TRIM69: variants seen among roughly 807,000 people sequenced by gnomAD.
TRIM69 encodes tripartite motif containing 69, also known as E3 ubiquitin-protein ligase TRIM69.
Under a neutral mutation model 37.7 loss-of-function variants are expected in TRIM69, and 29 were observed. That is an observed-to-expected ratio of 0.77 (90% CI 0.57 to 1.05). TRIM69 has a LOEUF of 1.05. TRIM69 is among the 50% of genes least tolerant of loss of function. The probability of loss-of-function intolerance (pLI) is 0.00; values close to 1 mark genes in which losing one functional copy is unlikely to be tolerated. For missense variants in TRIM69, 596 were observed against 579.9 expected (o/e 1.03, Z -0.28); for synonymous variants, 209 against 212.4 (o/e 0.98, Z 0.14).
rs990836403 is a variant in TRIM69 at position 44,756,760 on chromosome 15, G to A, written c.579+297G>A. 24 of 146,918 alleles carry A rather than the reference G, an allele frequency of 1.6e-4. No homozygotes were observed. In the Admixed American group the frequency reaches 2.9e-3, roughly 17 times the overall value. The allele number at this position is 146,918 out of a possible 1,614,324, so 9.1% of individuals were successfully genotyped here. ...GTGTCTGGTCTTTGGCTTTATCTAT[G>A]GCAAAAAAAAAAAAGGAACTTATTA... On this transcript the variant is annotated intron_variant, in intron 3 of 6. Coordinates refer to ENST00000329464, the MANE Select transcript of TRIM69 (RefSeq NM_182985.5).
At chr15:44,758,998 C>G (rs944187312) in intron 4 of TRIM69, 144 bp downstream of exon 4, 23 of 1,126,904 alleles carry the variant, frequency 2.0e-5, no homozygotes, top group Admixed American at 2.8e-5. Context: ...TTAAGATTCT[C>G]TGGAAGAAAA....
At position 44,736,634 on chromosome 15, in the gene TRIM69, C is replaced by G; in HGVS notation, c.-71C>G. 1.3e-6 allele frequency: 2 copies of G among 1,581,650 alleles called. No homozygotes were observed. The highest frequency in any genetic ancestry group is 2.3e-5 in the South Asian group (2 of 87,412). On this transcript the variant is annotated 5_prime_UTR_variant, in exon 1 of 7. Transcript: ENST00000329464. The stretch of plus-strand genomic sequence containing the variant: ...AACTAAAAGGTCCCTGACTCCCAGT[C>G]TGCAGCCATCCTGGGCCTGCTGAGC...
intron 1 of TRIM69, chr15:44,754,619 C>T (rs1566895359): frequency 5.5e-6 from 2 of 363,510 alleles, no homozygotes; most frequent in Admixed American, 8.4e-5. Flanking sequence ...TCAAAAGACA[C>T]TTGGGGAAAG....
chr15:44,742,975 A>G (rs1191386531), intron 1 of TRIM69, among the ~76,000 whole-genome samples: 1 of 151,856 alleles, frequency 6.6e-6, no homozygotes, highest in East Asian at 1.9e-4. Flanking sequence ...TTTAAAGTTC[A>G]TATGGAACCA....
chr15:44,757,556 G>T (rs2087677627), intron 3 of TRIM69: 1 of 152,192 alleles, frequency 6.6e-6, no homozygotes, highest in Non-Finnish European at 1.5e-5. Flanking sequence ...TAGCTGCTAT[G>T]TTAAACAGAG....
At chr15:44,742,166 C>T (rs866529403) in intron 1 of TRIM69, among the ~76,000 whole-genome samples, 2,608 of 148,948 alleles carry the variant, frequency 0.018, 58 homozygotes, top group African/African-American at 0.059. Context: ...GTTCAATATA[C>T]GCAAATCAAT....
chr15:44,737,992 T>C (rs1359895579), intron 1 of TRIM69, among the ~76,000 whole-genome samples: 2 of 152,020 alleles, frequency 1.3e-5, no homozygotes, highest in African/African-American at 4.8e-5. Flanking sequence ...CTTTGCCTTT[T>C]CTCTGCTCTT....
Position 44,736,675 on chromosome 15 carries a change from T to C in TRIM69, c.-30T>C. 2 of 1,611,042 alleles carry C rather than the reference T, an allele frequency of 1.2e-6. No individual in the cohort carries two copies. Among genetic ancestry groups the C allele is most frequent in the Non-Finnish European group, 1.7e-6 (2 of 1,178,724 alleles). ...CCTGCTGAGCTCTGATTCAAGTGCC[T>C]GCCTCTGCCCCTTGGTGGGCTGAAG... On this transcript the variant is annotated 5_prime_UTR_variant, in exon 1 of 7. Coordinates refer to ENST00000329464, the MANE Select transcript of TRIM69 (RefSeq NM_182985.5).
chr15:44,766,929 C>A (rs939085921), intron 6 of TRIM69, among the ~76,000 whole-genome samples: 1 of 151,134 alleles, frequency 6.6e-6, no homozygotes, highest in African/African-American at 2.4e-5. Context: ...TGTGGTGGCA[C>A]ACACCTGTAA....
At chr15:44,736,780 G>A (rs2087171939) in intron 1 of TRIM69, 70 bp downstream of exon 1, 1 of 1,570,290 alleles carries the variant, frequency 6.4e-7, no homozygotes, top group African/African-American at 1.4e-5. Flanking sequence ...GATCATAGAA[G>A]AGGATATGGA....
At chr15:44,761,588 C>T (rs973761888) in intron 6 of TRIM69, among the ~76,000 whole-genome samples, 4 of 152,152 alleles carry the variant, frequency 2.6e-5, no homozygotes, top group Non-Finnish European at 4.4e-5. Context: ...CCTCAGACTC[C>T]CCAGTAGCTG....
intron 1 of TRIM69, among the ~76,000 whole-genome samples, chr15:44,746,524 A>G (rs1286869306): frequency 1.3e-5 from 2 of 152,228 alleles, no homozygotes; most frequent in South Asian, 4.1e-4. Flanking sequence ...TAAAAAAAGA[A>G]ATCAATCTTA....
chr15:44,767,439 G>C lies in TRIM69; in HGVS notation c.1170G>C (p.Trp390Cys). 1 of 1,614,168 alleles carries C rather than the reference G, an allele frequency of 6.2e-7. No homozygotes were observed. Residue 390 changes from tryptophan (W) to cysteine (C), a missense_variant, in exon 7 of 7, where the codon TGG (tryptophan) becomes TGC (cysteine). Physicochemically the swap from Trp to Cys is radical, Grantham distance 215. Coordinates refer to ENST00000329464, the MANE Select transcript of TRIM69 (RefSeq NM_182985.5). ...TAGAAGTAGCAAAGAAGACAAAATGGACAGTTGGAGTTGTCAGAGAATCCA... is the reference window on the plus strand; with the variant it reads ...TAGAAGTAGCAAAGAAGACAAAATGCACAGTTGGAGTTGTCAGAGAATCCA... ...WEVEVAKKTK[W>C]TVGVVRESII...
chr15:44,740,797 A>G (rs2087265608), intron 1 of TRIM69, among the ~76,000 whole-genome samples: 1 of 151,860 alleles, frequency 6.6e-6, no homozygotes, highest in Non-Finnish European at 1.5e-5. Context: ...CCAATACAGG[A>G]GCACCCAGAT....
intron 1 of TRIM69, among the ~76,000 whole-genome samples, chr15:44,738,166 C>A (rs1473111115): frequency 1.3e-5 from 2 of 150,272 alleles, no homozygotes; most frequent in African/African-American, 4.9e-5. Flanking sequence ...TCAAGTGATT[C>A]TCATGCCTCA....
intron 1 of TRIM69, 86 bp from the exon 2 acceptor site, chr15:44,754,814 G>T: frequency 1.0e-6 from 1 of 985,014 alleles, no homozygotes; most frequent in Non-Finnish European, 1.5e-6. Flanking sequence ...CCAATTTTCA[G>T]CTCCTTTAGG....
At chr15:44,739,376 C>T (rs978081292) in intron 1 of TRIM69, among the ~76,000 whole-genome samples, 3 of 152,154 alleles carry the variant, frequency 2.0e-5, no homozygotes, top group East Asian at 1.9e-4. Flanking sequence ...AGACAGTGGG[C>T]GCAGGACAGT....
chr15:44,750,015 T>C (rs965308900), intron 1 of TRIM69, among the ~76,000 whole-genome samples: 1 of 152,220 alleles, frequency 6.6e-6, no homozygotes, highest in Non-Finnish European at 1.5e-5. Context: ...TGTTGGTCAT[T>C]TGTTTATCTT....
chr15:44,762,183 G>A (rs1303658906), intron 6 of TRIM69, among the ~76,000 whole-genome samples: 2 of 152,074 alleles, frequency 1.3e-5, no homozygotes, highest in East Asian at 1.9e-4. Context: ...AGCCAGGATG[G>A]TCTCGATCAC....
Sources: allele counts gnomAD v4.1 joint callset (sites outside exome capture counted in the v4.1 genomes callset), GRCh38; gene constraint gnomAD v4.1.1; transcripts MANE v1.5; gene names NCBI Gene and HGNC (gene_info 2026-07-23, HGNC 2026-07-21).